The following KCNT2 variants were observed in gnomAD, a reference collection of about 807,000 sequenced individuals.
KCNT2 encodes potassium sodium-activated channel subfamily T member 2.
A neutral mutation model predicts 153.8 loss-of-function variants in KCNT2; 67 were observed. The observed-to-expected ratio is 0.44, with a 90% confidence interval of 0.36 to 0.53. The LOEUF is 0.53. Among genes scored for constraint, KCNT2 ranks in the 20% least tolerant of loss-of-function variants. The pLI, the probability that KCNT2 is intolerant of heterozygous loss-of-function variation, is 0.00. For missense variants in KCNT2, 975 were observed against 1,354.8 expected, an observed-to-expected ratio of 0.72 and a Z score of 4.40; for synonymous variants, 500 against 458.8, an observed-to-expected ratio of 1.09 and a Z score of -1.15.
chr1:196,282,277 C>G lies in KCNT2; in HGVS notation c.2777G>C (p.Cys926Ser). The G allele has an allele frequency of 6.4e-7, 1 of 1,566,466 alleles. No homozygotes were observed. The highest frequency in any genetic ancestry group is 8.8e-7 in the Non-Finnish European group (1 of 1,138,312). The change falls in exon 24 of 28, where the codon TGT becomes TCT. Residue 926 changes from cysteine (C) to serine (S), a missense_variant. Cys to Ser is a moderately radical substitution (Grantham distance 112). This residue lies in a region of KCNT2 where 241 missense variants were observed against 271.1 expected (regional missense o/e 0.89). Coordinates refer to ENST00000294725, the MANE Select transcript of KCNT2 (RefSeq NM_198503.5). Reference protein sequence around the residue: ...LDTTPGSGFLCSMKITADDLW... With the variant: ...LDTTPGSGFLSSMKITADDLW... ...TTCTAGAGATTATTAACTTACAGAA[C>G]AAAGAAACCCAGATCCTGGTGTAGT...
At position 196,541,021 on chromosome 1, in the gene KCNT2, G is replaced by A. The variant is rs546285446; in HGVS notation, c.96-48680C>T. On this transcript the variant is annotated intron_variant, in intron 1 of 27. Transcript: ENST00000294725. The stretch of plus-strand genomic sequence containing the variant: ...GTGGAGGTTGCAGTGAGCCGAGATC[G>A]CGCCACTGCACTCCAGCCTGGGTGA... 9.9e-5 allele frequency among the ~76,000 whole-genome samples: 15 copies of A among 151,922 alleles called. No individual in the cohort carries two copies. The South Asian group carries it at 2.7e-3, about 27-fold the overall frequency.
intron 16 of KCNT2, 33 bp downstream of exon 16, chr1:196,340,308 A>C: frequency 8.3e-7 from 1 of 1,202,424 alleles, no homozygotes; most frequent in Non-Finnish European, 1.2e-6. Context: ...TTTAGAAATA[A>C]ATTAATGATA....
intron 14 of KCNT2, among the ~76,000 whole-genome samples, chr1:196,351,302 C>A (rs527788808): frequency 1.4e-4 from 21 of 152,080 alleles, no homozygotes; most frequent in Non-Finnish European, 2.9e-4. Flanking sequence ...GGCAGTATGG[C>A]CATTTTCACG....
chr1:196,277,975 G>A (rs911043245), intron 25 of KCNT2, among the ~76,000 whole-genome samples: 1 of 151,686 alleles, frequency 6.6e-6, no homozygotes, highest in African/African-American at 2.4e-5. Context: ...CACTTTAATG[G>A]TATTTTTTTC....
At chr1:196,419,062 T>G (rs1176959810) in intron 12 of KCNT2, among the ~76,000 whole-genome samples, 4 of 152,130 alleles carry the variant, frequency 2.6e-5, no homozygotes, top group Non-Finnish European at 5.9e-5. Context: ...ACTCCTTGTT[T>G]TTGGTAAACA....
At chr1:196,423,259 T>C in intron 11 of KCNT2, 146 bp from the exon 12 acceptor site, 5 of 431,444 alleles carry the variant, frequency 1.2e-5, no homozygotes, top group East Asian at 3.8e-5. Context: ...AAAGTTGAAT[T>C]TCTAGCAGAT....
intron 21 of KCNT2, among the ~76,000 whole-genome samples, chr1:196,308,925 A>T (rs1027212045): frequency 3.9e-5 from 6 of 152,072 alleles, no homozygotes; most frequent in Non-Finnish European, 8.8e-5. Flanking sequence ...ATGAATAATT[A>T]TCAAGTTTTT....
chr1:196,453,340 C>A (rs1265124412), intron 8 of KCNT2, among the ~76,000 whole-genome samples: 3 of 151,890 alleles, frequency 2.0e-5, no homozygotes, highest in Admixed American at 1.3e-4. Context: ...TGCTTTTTGA[C>A]TCCTTGGATC....
intron 21 of KCNT2, among the ~76,000 whole-genome samples, chr1:196,310,689 C>T (rs1237094495): frequency 6.6e-6 from 1 of 151,804 alleles, no homozygotes; most frequent in Non-Finnish European, 1.5e-5. Flanking sequence ...AACAAATAAA[C>T]AAAACTTGCC....
At chr1:196,251,723 G>A (rs952261197) in intron 26 of KCNT2, among the ~76,000 whole-genome samples, 4 of 151,848 alleles carry the variant, frequency 2.6e-5, no homozygotes, top group Non-Finnish European at 5.9e-5. Flanking sequence ...ATAATTTATT[G>A]TGCATTTAAA....
chr1:196,585,727 C>T (rs1662600495), intron 1 of KCNT2, among the ~76,000 whole-genome samples: 2 of 152,090 alleles, frequency 1.3e-5, no homozygotes, highest in South Asian at 4.1e-4. Context: ...CATTCACTCA[C>T]TCATCCATTA....
intron 1 of KCNT2, among the ~76,000 whole-genome samples, chr1:196,591,886 G>A (rs1663402205): frequency 6.6e-6 from 1 of 152,170 alleles, no homozygotes; most frequent in Admixed American, 6.5e-5. Flanking sequence ...GAATCAGTAA[G>A]TCAGAGCAAC....
At chr1:196,254,551 C>T (rs1018497101) in intron 26 of KCNT2, among the ~76,000 whole-genome samples, 1 of 151,384 alleles carries the variant, frequency 6.6e-6, no homozygotes. Flanking sequence ...TAGGATAAAT[C>T]TGTGAAGAAA....
At chr1:196,463,208 A>G (rs1677305130) in intron 8 of KCNT2, among the ~76,000 whole-genome samples, 1 of 151,846 alleles carries the variant, frequency 6.6e-6, no homozygotes, top group South Asian at 2.1e-4. Flanking sequence ...TACATTGTGT[A>G]TGGTGTAACA....
intron 24 of KCNT2, among the ~76,000 whole-genome samples, chr1:196,281,710 ATCCT>A (rs1359666864): frequency 6.6e-6 from 1 of 152,064 alleles, no homozygotes; most frequent in African/African-American, 2.4e-5. Flanking sequence ...ACAGTATAGT[ATCCT>A]ACGGCAGTTT....
chr1:196,468,949 AG>A, intron 6 of KCNT2, 44 bp downstream of exon 6: 3 of 1,110,760 alleles, frequency 2.7e-6, no homozygotes, highest in Non-Finnish European at 4.1e-6. Flanking sequence ...ATTTTACTTA[AG>A]TCTAATTACA....
chr1:196,501,772 G>T (rs1318102453), intron 1 of KCNT2, among the ~76,000 whole-genome samples: 1 of 152,062 alleles, frequency 6.6e-6, no homozygotes, highest in Non-Finnish European at 1.5e-5. Flanking sequence ...AAATAAAAAA[G>T]AAGGCTTGTA....
chr1:196,257,936 G>A (rs1205013832), intron 26 of KCNT2: 2 of 956,232 alleles, frequency 2.1e-6, no homozygotes, highest in African/African-American at 3.5e-5. Flanking sequence ...CAGAGTTTTT[G>A]TGAAAATTAA....
At chr1:196,252,957 T>C (rs1013148795) in intron 26 of KCNT2, among the ~76,000 whole-genome samples, 6 of 151,508 alleles carry the variant, frequency 4.0e-5, no homozygotes, top group Admixed American at 4.0e-4. Flanking sequence ...AAGTGGTTTT[T>C]TCCTCTAGCC....
Sources: allele counts gnomAD v4.1 joint callset (sites outside exome capture counted in the v4.1 genomes callset), GRCh38; gene constraint gnomAD v4.1.1; regional missense constraint gnomAD v4.1.1; transcripts MANE v1.5; gene names NCBI Gene and HGNC (gene_info 2026-07-23, HGNC 2026-07-21).